The following LDAH variants were observed in gnomAD, a reference collection of about 807,000 sequenced individuals.
LDAH encodes the protein lipid droplet associated hydrolase, also known as lipid droplet-associated hydrolase.
Under a neutral mutation model 29.6 loss-of-function variants are expected in LDAH, and 26 were observed. The ratio of observed to expected loss-of-function variants is 0.88; its 90% CI spans 0.64 to 1.22. The LOEUF is 1.22. LDAH is among the 50% of genes most tolerant of loss of function. The pLI is 0.00. For synonymous variants in LDAH, 117 were observed against 133.0 expected (o/e 0.88, Z 0.83); for missense variants, 344 against 387.3 (o/e 0.89, Z 0.94).
At chr2:20,693,957 C>T (rs775754200) in intron 6 of LDAH, among the ~76,000 whole-genome samples, 48 of 152,272 alleles carry the variant, frequency 3.2e-4, no homozygotes, top group Non-Finnish European at 6.2e-4. Context: ...CTTGGCCTTT[C>T]TTCCAGAGGT....
At chr2:20,803,012 T>A (rs1316674189) in intron 1 of LDAH, among the ~76,000 whole-genome samples, 1 of 152,210 alleles carries the variant, frequency 6.6e-6, no homozygotes, top group Non-Finnish European at 1.5e-5. Context: ...GATTTCTCTA[T>A]TGCAGTGGTT....
At chr2:20,821,251 C>T (rs1183930695) in intron 1 of LDAH, among the ~76,000 whole-genome samples, 2 of 152,172 alleles carry the variant, frequency 1.3e-5, no homozygotes, top group Non-Finnish European at 2.9e-5. Context: ...TTTGACCCAG[C>T]CATCCCATTA....
chr2:20,746,180 C>T (rs1667557102), intron 4 of LDAH, among the ~76,000 whole-genome samples: 1 of 152,104 alleles, frequency 6.6e-6, no homozygotes, highest in South Asian at 2.1e-4. Flanking sequence ...GAAGAATGTA[C>T]CACACAGATT....
At chr2:20,719,224 G>GTTT (rs61437825) in intron 5 of LDAH, among the ~76,000 whole-genome samples, 1,861 of 130,462 alleles carry the variant, frequency 0.014, 36 homozygotes, top group Non-Finnish European at 0.02. Flanking sequence ...AAATGAAAAA[G>GTTT]TTTTTTTTTT....
chr2:20,698,659 G>A lies in LDAH; in HGVS notation c.786+2911C>T, dbSNP rs184657931. On this transcript the variant is annotated intron_variant, in intron 6 of 6. Coordinates refer to ENST00000237822, the MANE Select transcript of LDAH (RefSeq NM_021925.4). This position sits in a 1 kb window ranked among gnomAD's most constrained non-coding sequence, Gnocchi z 4.4. ...CGTGCCACTGCACTCTAGCCTGGGCGACAGTGCAAGACTCTGTCTCAAAAA... is the reference window on the plus strand; with the variant it reads ...CGTGCCACTGCACTCTAGCCTGGGCAACAGTGCAAGACTCTGTCTCAAAAA... 2.3e-3 allele frequency among the ~76,000 whole-genome samples: 346 copies of A among 152,106 alleles called. 3 individuals carry two copies. The highest frequency in any genetic ancestry group is 7.9e-3 in the African/African-American group (326 of 41,468).
At chr2:20,710,668 T>G (rs56969036) in intron 5 of LDAH, among the ~76,000 whole-genome samples, 29,176 of 138,074 alleles carry the variant, frequency 0.21, 3,640 homozygotes, top group East Asian at 0.33. Flanking sequence ...CACATATATA[T>G]TATACATATA....
In LDAH at chr2:20,754,333, A is replaced by T. The variant is rs189205307; in HGVS notation, c.469-14128T>A. 5.8e-3 allele frequency among the ~76,000 whole-genome samples: 863 copies of T among 149,494 alleles called. 8 individuals carry two copies. The highest frequency in any genetic ancestry group is 0.021 in the African/African-American group (818 of 39,596). On this transcript the variant is annotated intron_variant, in intron 4 of 6. Coordinates refer to ENST00000237822, the MANE Select transcript of LDAH (RefSeq NM_021925.4). ...TGAAACCCGTCTCTACTAAAAAAATAAAAAAAAATTAGCCAGGCCTGGCAG... is the reference window on the plus strand; with the variant it reads ...TGAAACCCGTCTCTACTAAAAAAATTAAAAAAAATTAGCCAGGCCTGGCAG...
intron 5 of LDAH, among the ~76,000 whole-genome samples, chr2:20,716,994 G>GA: frequency 6.6e-6 from 1 of 152,026 alleles, no homozygotes. Context: ...TACACAGCAA[G>GA]AAAAAATTAA....
intron 1 of LDAH, among the ~76,000 whole-genome samples, chr2:20,808,611 T>C (rs968469052): frequency 6.9e-6 from 1 of 144,760 alleles, no homozygotes; most frequent in African/African-American, 2.6e-5. Context: ...TGAGCAGAGA[T>C]CATGCCACTG....
intron 5 of LDAH, among the ~76,000 whole-genome samples, chr2:20,717,772 G>T (rs1412444653): frequency 6.6e-6 from 1 of 152,038 alleles, no homozygotes; most frequent in African/African-American, 2.4e-5. Flanking sequence ...AAGTTAGGTT[G>T]CTATCAGTGT....
intron 6 of LDAH, among the ~76,000 whole-genome samples, chr2:20,692,600 G>T (rs764202717): frequency 8.7e-4 from 132 of 152,254 alleles, no homozygotes; most frequent in Non-Finnish European, 1.0e-3. Context: ...ATATATTTTT[G>T]CATATATATA....
chr2:20,751,671 A>G (rs1667983166), intron 4 of LDAH, among the ~76,000 whole-genome samples: 1 of 152,166 alleles, frequency 6.6e-6, no homozygotes, highest in African/African-American at 2.4e-5. Context: ...TTTCAGGGGG[A>G]AAAACTTCCT....
intron 3 of LDAH, among the ~76,000 whole-genome samples, chr2:20,776,553 T>C (rs1410315557): frequency 6.6e-6 from 1 of 152,184 alleles, no homozygotes; most frequent in Non-Finnish European, 1.5e-5. Flanking sequence ...AGGTTAAACA[T>C]GTTATGCTCT....
At chr2:20,742,447 A>G (rs1487348096) in intron 4 of LDAH, among the ~76,000 whole-genome samples, 1 of 152,208 alleles carries the variant, frequency 6.6e-6, no homozygotes, top group Non-Finnish European at 1.5e-5. Context: ...TTGTAGTTCT[A>G]TCAGTTTTTG....
At chr2:20,776,551 C>T (rs1282106984) in intron 3 of LDAH, among the ~76,000 whole-genome samples, 3 of 152,146 alleles carry the variant, frequency 2.0e-5, no homozygotes, top group Non-Finnish European at 2.9e-5. Flanking sequence ...CCAGGTTAAA[C>T]ATGTTATGCT....
At chr2:20,682,497 AAAG>A (rs1416354059), downstream of LDAH, among the ~76,000 whole-genome samples, 1 of 152,192 alleles carries the variant, frequency 6.6e-6, no homozygotes, top group Non-Finnish European at 1.5e-5. Context: ...GGTAATTTAT[AAAG>A]AAGAGATTTA....
At chr2:20,763,375 G>A (rs1041948765) in intron 4 of LDAH, among the ~76,000 whole-genome samples, 3 of 152,220 alleles carry the variant, frequency 2.0e-5, no homozygotes, top group Admixed American at 2.0e-4. Context: ...GCTTAGGTAG[G>A]TGGTTCTCAA....
intron 1 of LDAH, among the ~76,000 whole-genome samples, chr2:20,809,592 C>T (rs570529983): frequency 6.6e-6 from 1 of 152,204 alleles, no homozygotes; most frequent in East Asian, 1.9e-4. Flanking sequence ...TATATATACA[C>T]ACAGGATATA....
chr2:20,790,838 T>C (rs1009301252), intron 2 of LDAH, among the ~76,000 whole-genome samples: 4 of 152,164 alleles, frequency 2.6e-5, no homozygotes, highest in African/African-American at 7.2e-5. Flanking sequence ...TACAAGTACA[T>C]GTAGATTTTT....
Sources: allele counts gnomAD v4.1 joint callset (sites outside exome capture counted in the v4.1 genomes callset), GRCh38; gene constraint gnomAD v4.1.1; non-coding constraint Gnocchi (gnomAD v3.1); transcripts MANE v1.5; gene names NCBI Gene and HGNC (gene_info 2026-07-23, HGNC 2026-07-21).